NAV1: variants seen among roughly 807,000 people sequenced by gnomAD.
NAV1 encodes neuron navigator 1, also known as pore membrane and/or filament interacting like protein 3.
Under a neutral mutation model 175.2 loss-of-function variants are expected in NAV1, and 18 were observed. That is an observed-to-expected ratio of 0.10 (90% CI 0.07 to 0.15). The LOEUF (loss-of-function observed/expected upper bound fraction) is 0.15, where lower values mean the gene tolerates loss of function less well. NAV1 is among the 10% of genes least tolerant of loss of function. The pLI is 1.00. For synonymous variants in NAV1, 897 were observed against 978.7 expected, an observed-to-expected ratio of 0.92 and a Z score of 1.56; for missense variants, 1,731 against 2,436.6, an observed-to-expected ratio of 0.71 and a Z score of 6.10.
At position 201,648,464 on chromosome 1, in the gene NAV1, T is replaced by C. The variant is rs1423258375; in HGVS notation, c.-205T>C. 8 of 1,189,870 alleles carry C rather than the reference T, an allele frequency of 6.7e-6. No homozygotes were observed. The African/African-American group carries it at 1.3e-4, about 20-fold the overall frequency. 73.7% of individuals were successfully genotyped at this position (1,189,870 alleles called of 1,614,324 possible). On this transcript the variant is annotated 5_prime_UTR_variant, in exon 1 of 30. Coordinates refer to ENST00000367296, the Ensembl canonical transcript of NAV1. ...CTTTCCTTTTTCCCGGCTTCCTTCC[T>C]CGCGTTTCTTTCCCCTGCGCCCTCG...
chr1:201,632,881 C>T (rs540597), intron 2 of NAV1, among the ~76,000 whole-genome samples: 78,808 of 152,076 alleles, frequency 0.52, 20,994 homozygotes, highest in Non-Finnish European at 0.58. Flanking sequence ...TTTTTCATGC[C>T]TTATGGATTT....
intron 3 of NAV1, among the ~76,000 whole-genome samples, chr1:201,728,155 T>C (rs564770118): frequency 2.0e-5 from 3 of 152,190 alleles, no homozygotes; most frequent in Non-Finnish European, 2.9e-5. Flanking sequence ...AGGATCTCAC[T>C]CTGTTGCACA....
chr1:201,794,154 C>G lies in NAV1; in HGVS notation c.3405+279C>G, dbSNP rs963581056. On this transcript the variant is annotated intron_variant, in intron 14 of 29. Transcript: ENST00000367296. ...CTCCTGCTAATCCCAACTAATGACG[C>G]TGTTTTCTTTTTTTGAGATGGAGTT... 1.4e-5 allele frequency: 9 copies of G among 662,990 alleles called. No individual in the cohort carries two copies. The Admixed American group carries it at 1.6e-4, about 12-fold the overall frequency. 41.1% of individuals were successfully genotyped at this position (662,990 alleles called of 1,614,324 possible). A position where few individuals can be genotyped will look rare whatever the true frequency, so the allele number is the denominator to read the frequency against.
At chr1:201,687,443 A>T (rs1259078640) in intron 1 of NAV1, among the ~76,000 whole-genome samples, 1 of 152,214 alleles carries the variant, frequency 6.6e-6, no homozygotes, top group Non-Finnish European at 1.5e-5. Context: ...ACCAGGATGG[A>T]TGGGGTTTCC....
Position 201,697,258 on chromosome 1 carries a change from G to A in NAV1, c.758-15559G>A, listed in dbSNP as rs144054221. On this transcript the variant is annotated intron_variant, in intron 1 of 29. Coordinates refer to ENST00000367296, the Ensembl canonical transcript of NAV1. The stretch of plus-strand genomic sequence containing the variant: ...GTCACAGGGTCCCCAGTGGTGGGCA[G>A]TAGAGGGGTGAAGGGATCAGTGACA... 1.4e-3 allele frequency among the ~76,000 whole-genome samples: 215 copies of A among 152,312 alleles called. 1 individual carries two copies. The highest frequency in any genetic ancestry group is 5.0e-3 in the African/African-American group (209 of 41,580).
At chr1:201,549,893 C>A (rs1665800056) in intron 1 of NAV1, among the ~76,000 whole-genome samples, 1 of 150,824 alleles carries the variant, frequency 6.6e-6, no homozygotes, top group African/African-American at 2.4e-5. Context: ...CACCTGTGGT[C>A]CCAGCTACTT....
chr1:201,680,017 A>G (rs1293040188), intron 1 of NAV1, among the ~76,000 whole-genome samples: 1 of 152,164 alleles, frequency 6.6e-6, no homozygotes, highest in Non-Finnish European at 1.5e-5. Flanking sequence ...TGCATTGCTA[A>G]AAAGGAATAC....
Position 201,788,035 on chromosome 1 carries a change from C to A in NAV1, c.2996-433C>A, listed in dbSNP as rs1042389939. ...CCCCCTTCTCTAGCTGGTGCTTTTT[C>A]ATCATTCAGATCTGGGTCTTGGTTT... On this transcript the variant is annotated intron_variant, in intron 9 of 29. Transcript: ENST00000367296. This position sits in a 1 kb window ranked among gnomAD's most constrained non-coding sequence, Gnocchi z 5.7. Among the ~76,000 whole-genome samples, 2 of 152,174 alleles carry A rather than the reference C, an allele frequency of 1.3e-5. No individual in the cohort carries two copies. Among genetic ancestry groups the A allele is most frequent in the Non-Finnish European group, 2.9e-5 (2 of 68,028 alleles).
chr1:201,578,229 C>T (rs906895377), intron 1 of NAV1, among the ~76,000 whole-genome samples: 11 of 152,220 alleles, frequency 7.2e-5, no homozygotes, highest in African/African-American at 2.6e-4. Flanking sequence ...TTCTATTGTT[C>T]TATCTTCCAG....
rs558610852 is a variant in NAV1, at chr1:201,549,867, C to T, written c.-144+10525C>T. Among the ~76,000 whole-genome samples the T allele has an allele frequency of 7.6e-3, 1,154 of 151,288 alleles. 16 individuals are homozygous for T. The highest frequency in any genetic ancestry group is 0.025 in the African/African-American group (1,049 of 41,314). ...CTACTAAAAATACAAAAAAATTAGC[C>T]GGGTGTGGTGGTGGGCACCTGTGGT... is the stretch of plus-strand genomic sequence containing the variant. On this transcript the variant is annotated intron_variant, in intron 1 of 33. Transcript: ENST00000685211.
chr1:201,695,408 C>T (rs961925265), intron 1 of NAV1, among the ~76,000 whole-genome samples: 4 of 152,170 alleles, frequency 2.6e-5, no homozygotes, highest in Non-Finnish European at 5.9e-5. Context: ...TGCCCTTGTC[C>T]GAGGGCTCCA....
At chr1:201,739,778 C>T (rs1571918029) in intron 3 of NAV1, 4 of 1,215,790 alleles carry the variant, frequency 3.3e-6, no homozygotes, top group Non-Finnish European at 4.1e-6. Flanking sequence ...GCCTGCATCG[C>T]CGGGGCTCGG....
chr1:201,811,550 C>T (rs984293454), intron 24 of NAV1, 53 bp from the exon 29 acceptor site: 3 of 1,608,436 alleles, frequency 1.9e-6, no homozygotes, highest in African/African-American at 2.7e-5. Context: ...ATTTCCAAGG[C>T]CGATCCAGCT....
intron 1 of NAV1, among the ~76,000 whole-genome samples, chr1:201,663,964 G>A (rs75046515): frequency 0.02 from 3,081 of 152,222 alleles, 107 homozygotes; most frequent in African/African-American, 0.063. Flanking sequence ...TTGTATCTTT[G>A]GATTACAATC....
intron 1 of NAV1, among the ~76,000 whole-genome samples, chr1:201,575,867 T>C (rs921673121): frequency 9.9e-5 from 15 of 152,244 alleles, no homozygotes; most frequent in African/African-American, 3.4e-4. Flanking sequence ...ATTTCTTCCC[T>C]GATTTCCTGT....
At chr1:201,587,682 TCAAA>T (rs1247293198) in intron 1 of NAV1, among the ~76,000 whole-genome samples, 4 of 152,014 alleles carry the variant, frequency 2.6e-5, no homozygotes, top group African/African-American at 9.7e-5. Context: ...AGACCCTACC[TCAAA>T]CAAACAAACG....
At chr1:201,815,755 T>C (rs1301698731) in intron 28 of NAV1, among the ~76,000 whole-genome samples, 3 of 152,298 alleles carry the variant, frequency 2.0e-5, no homozygotes, top group East Asian at 3.9e-4. Flanking sequence ...TTTGTATTTT[T>C]GAGACGGAGT....
At chr1:201,771,250 A>AAAC (rs1675563525) in intron 3 of NAV1, among the ~76,000 whole-genome samples, 1 of 149,864 alleles carries the variant, frequency 6.7e-6, no homozygotes, top group Admixed American at 6.6e-5. Flanking sequence ...AAAAAAAAAA[A>AAAC]AAAAACATCT....
At chr1:201,659,396 G>A (rs1022605197) in intron 1 of NAV1, among the ~76,000 whole-genome samples, 2 of 152,168 alleles carry the variant, frequency 1.3e-5, no homozygotes, top group Non-Finnish European at 2.9e-5. Flanking sequence ...TCGTAGAATC[G>A]CTTGAGCCCA....
Sources: allele counts gnomAD v4.1 joint callset (sites outside exome capture counted in the v4.1 genomes callset), GRCh38; gene constraint gnomAD v4.1.1; non-coding constraint Gnocchi (gnomAD v3.1); transcripts MANE v1.5; gene names NCBI Gene and HGNC (gene_info 2026-07-23, HGNC 2026-07-21).